The following ARHGAP15 variants were observed in gnomAD, a reference collection of about 807,000 sequenced individuals.
ARHGAP15 encodes Rho GTPase activating protein 15.
ARHGAP15 carries 51 observed loss-of-function variants against 63.7 expected under a neutral mutation model. That is an observed-to-expected ratio of 0.80 (90% CI 0.64 to 1.01). The LOEUF is 1.01. ARHGAP15 is among the 50% of genes least tolerant of loss of function. ARHGAP15 has a pLI of 0.00. For synonymous variants in ARHGAP15, 191 were observed against 193.8 expected (o/e 0.99, Z 0.12); for missense variants, 560 against 564.6 (o/e 0.99, Z 0.08).
intron 9 of ARHGAP15, among the ~76,000 whole-genome samples, chr2:143,515,976 G>C (rs4662337): frequency 0.33 from 50,216 of 151,730 alleles, 8,519 homozygotes; most frequent in East Asian, 0.43. Context: ...TTTCATTCCC[G>C]AAAATGCTCT....
At chr2:143,298,352 ATT>A (rs1682745229) in intron 6 of ARHGAP15, among the ~76,000 whole-genome samples, 1 of 151,970 alleles carries the variant, frequency 6.6e-6, no homozygotes, top group Non-Finnish European at 1.5e-5. Context: ...GAAACTCTTT[ATT>A]ATCCTCTTAG....
At chr2:143,349,725 C>T (rs766540703) in intron 6 of ARHGAP15, among the ~76,000 whole-genome samples, 3 of 152,036 alleles carry the variant, frequency 2.0e-5, no homozygotes, top group South Asian at 2.1e-4. Context: ...CTCCAGAGTC[C>T]GAGTGTAAAG....
At chr2:143,213,593 C>A (rs1053612829) in intron 3 of ARHGAP15, among the ~76,000 whole-genome samples, 11 of 152,156 alleles carry the variant, frequency 7.2e-5, no homozygotes, top group African/African-American at 2.4e-4. Flanking sequence ...AGTGGTAGGA[C>A]ATAGATATAC....
At chr2:143,504,811 C>CTGAGAGTTA (rs1693231359) in intron 9 of ARHGAP15, among the ~76,000 whole-genome samples, 1 of 152,194 alleles carries the variant, frequency 6.6e-6, no homozygotes, top group Admixed American at 6.5e-5. Flanking sequence ...CTGAGAGTTA[C>CTGAGAGTTA]CTGCTTCCCT....
chr2:143,255,634 G>A (rs571311354), intron 6 of ARHGAP15, among the ~76,000 whole-genome samples: 148 of 152,062 alleles, frequency 9.7e-4, no homozygotes, highest in Non-Finnish European at 1.7e-3. Flanking sequence ...ATAATTTTAA[G>A]CCAAAAGGAA....
At chr2:143,646,631 G>A (rs1265647108) in intron 12 of ARHGAP15, among the ~76,000 whole-genome samples, 1 of 151,982 alleles carries the variant, frequency 6.6e-6, no homozygotes, top group Non-Finnish European at 1.5e-5. Flanking sequence ...GTTGTGTAAT[G>A]CCTTGACTGG....
At chr2:143,753,499 T>C (rs1161382755) in intron 13 of ARHGAP15, among the ~76,000 whole-genome samples, 1 of 152,184 alleles carries the variant, frequency 6.6e-6, no homozygotes, top group Non-Finnish European at 1.5e-5. Context: ...GATAGAATCA[T>C]GAGTTAGCCC....
At chr2:143,715,249 C>T (rs1315484682) in intron 13 of ARHGAP15, among the ~76,000 whole-genome samples, 3 of 152,120 alleles carry the variant, frequency 2.0e-5, no homozygotes, top group South Asian at 2.1e-4. Flanking sequence ...GAGACTTATT[C>T]GCTATCACGA....
At chr2:143,437,921 G>A (rs182454213) in intron 8 of ARHGAP15, among the ~76,000 whole-genome samples, 136 of 152,256 alleles carry the variant, frequency 8.9e-4, no homozygotes, top group African/African-American at 3.3e-3. Context: ...CTACTCAGGA[G>A]GTTGAGGCAG....
intron 6 of ARHGAP15, among the ~76,000 whole-genome samples, chr2:143,328,682 A>G (rs1684368129): frequency 6.6e-6 from 1 of 152,222 alleles, no homozygotes; most frequent in African/African-American, 2.4e-5. Flanking sequence ...ATGTGTAGCT[A>G]TATAACAAAC....
At chr2:143,466,882 G>A (rs144148488) in intron 8 of ARHGAP15, among the ~76,000 whole-genome samples, 1 of 152,058 alleles carries the variant, frequency 6.6e-6, no homozygotes, top group East Asian at 1.9e-4. Flanking sequence ...ATTCAGTAAT[G>A]GCAAAATGTA....
In ARHGAP15 at chr2:143,499,932, A is replaced by T. The variant is rs117125158; in HGVS notation, c.826+12437A>T. ...AAAAGAATACAAAAGAGAAATAAAA[A>T]AACTTTTCTCCCCCTCCTTAAATCA... is the stretch of plus-strand genomic sequence containing the variant. On this transcript the variant is annotated intron_variant, in intron 9 of 13. Transcript: ENST00000295095. Among the ~76,000 whole-genome samples, 34 of 152,226 alleles carry T rather than the reference A, an allele frequency of 2.2e-4. No individual in the cohort carries two copies. The East Asian group carries it at 5.0e-3, about 22-fold the overall frequency.
At chr2:143,290,587 C>T (rs1404947178) in intron 6 of ARHGAP15, among the ~76,000 whole-genome samples, 2 of 152,022 alleles carry the variant, frequency 1.3e-5, no homozygotes, top group African/African-American at 2.4e-5. Flanking sequence ...TTTAACATTA[C>T]ACATGACGTG....
intron 11 of ARHGAP15, among the ~76,000 whole-genome samples, chr2:143,600,868 A>G (rs1697741845): frequency 6.6e-6 from 1 of 152,186 alleles, no homozygotes; most frequent in Non-Finnish European, 1.5e-5. Flanking sequence ...ACAATCTAAT[A>G]TTTTTTAAAA....
At chr2:143,235,563 A>G (rs1693611500) in intron 5 of ARHGAP15, among the ~76,000 whole-genome samples, 1 of 152,200 alleles carries the variant, frequency 6.6e-6, no homozygotes, top group African/African-American at 2.4e-5. Flanking sequence ...TCATTCTGGA[A>G]TAATCTGTCA....
intron 6 of ARHGAP15, among the ~76,000 whole-genome samples, chr2:143,335,107 T>C (rs1051323611): frequency 1.3e-4 from 20 of 152,188 alleles, no homozygotes; most frequent in African/African-American, 4.3e-4. Context: ...GCATTTAATA[T>C]GTTAAGGACC....
intron 9 of ARHGAP15, among the ~76,000 whole-genome samples, chr2:143,505,011 A>G (rs926901018): frequency 6.6e-6 from 1 of 152,142 alleles, no homozygotes; most frequent in African/African-American, 2.4e-5. Context: ...ACTCTTACTC[A>G]TTGAATCTCA....
chr2:143,727,070 G>A (rs1035803556), intron 13 of ARHGAP15, among the ~76,000 whole-genome samples: 12 of 152,222 alleles, frequency 7.9e-5, no homozygotes, highest in Middle Eastern at 6.8e-3. Flanking sequence ...TCGGCTTGCT[G>A]GTTCTCAGCA....
At chr2:143,316,405 G>A (rs1240662388) in intron 6 of ARHGAP15, among the ~76,000 whole-genome samples, 2 of 151,604 alleles carry the variant, frequency 1.3e-5, no homozygotes, top group Non-Finnish European at 2.9e-5. Flanking sequence ...GAACTCCCCA[G>A]CACTTGTGTG....
Sources: gnomAD v4.1 joint callset for allele counts (sites outside exome capture counted in the v4.1 genomes callset) on GRCh38, gnomAD v4.1.1 for gene constraint, MANE v1.5 for transcripts, NCBI Gene and HGNC (gene_info 2026-07-23, HGNC 2026-07-21) for gene names.